The following GRIK5 variants were observed in gnomAD, a reference collection of about 807,000 sequenced individuals.
GRIK5 encodes the protein glutamate receptor ionotropic, kainate 5.
GRIK5 carries 43 observed loss-of-function variants against 97.4 expected under a neutral mutation model. The observed-to-expected ratio is 0.44, with a 90% confidence interval of 0.35 to 0.57. The LOEUF is 0.57. GRIK5 is among the 20% of genes least tolerant of loss of function. GRIK5 has a pLI of 0.01. For synonymous variants in GRIK5, 580 were observed against 583.5 expected, an observed-to-expected ratio of 0.99 and a Z score of 0.09; for missense variants, 1,015 against 1,382.0, an observed-to-expected ratio of 0.73 and a Z score of 4.21.
chr19:42,011,818 T>A (rs901871979), intron 15 of GRIK5, among the ~76,000 whole-genome samples: 8 of 151,520 alleles, frequency 5.3e-5, no homozygotes, highest in African/African-American at 1.5e-4. Flanking sequence ...ACAAAAAATT[T>A]AAAAAATTAG....
At chr19:42,068,977 A>T (rs1282589744) in intron 1 of GRIK5, 2 of 574,646 alleles carry the variant, frequency 3.5e-6, no homozygotes, top group Admixed American at 5.9e-5. Flanking sequence ...TGAGAGCCCA[A>T]GTAAGAGCAA....
chr19:42,018,078 C>T (rs1305888124), intron 15 of GRIK5, among the ~76,000 whole-genome samples: 1 of 149,682 alleles, frequency 6.7e-6, no homozygotes, highest in African/African-American at 2.5e-5. Flanking sequence ...CTTTGGGAGG[C>T]CAAGGCGGGT....
intron 12 of GRIK5, among the ~76,000 whole-genome samples, chr19:42,037,180 C>A (rs545006256): frequency 6.6e-6 from 1 of 152,352 alleles, no homozygotes; most frequent in East Asian, 1.9e-4. Context: ...AACTCACTGG[C>A]TGGGTGCAGT....
chr19:42,003,689 C>A lies in GRIK5; in HGVS notation c.2264-6G>T. 6.2e-7 allele frequency: 1 copy of A among 1,605,470 alleles called. No individual in the cohort carries two copies. Among genetic ancestry groups the A allele is most frequent in the Non-Finnish European group, 8.5e-7 (1 of 1,175,702 alleles). The stretch of plus-strand genomic sequence containing the variant: ...CTCATCCCGGAACGGGGAGCCTGGG[C>A]AGGCACACGAGGGGCTGGACCAGCC... On this transcript the variant is annotated splice_polypyrimidine_tract_variant and splice_region_variant and intron_variant, in intron 17 of 19. Transcript: ENST00000593562. The surrounding 1 kb of genome is among the most constrained non-coding windows in gnomAD (Gnocchi z 4.2).
chr19:42,001,716 G>T (rs2075425152), intron 19 of GRIK5: 1 of 195,022 alleles, frequency 5.1e-6, no homozygotes. Context: ...ACCCATGGCA[G>T]CCAGAAACAT....
intron 19 of GRIK5, among the ~76,000 whole-genome samples, chr19:42,000,048 G>A (rs530185504): frequency 3.3e-4 from 51 of 152,368 alleles, no homozygotes; most frequent in African/African-American, 1.2e-3. Context: ...GGCACTGCAA[G>A]CAGGTCAGCA....
rs377004720 is a variant in GRIK5, at chr19:42,002,189, G to T, written c.2514+1143C>A. 1.5e-5 allele frequency: 11 copies of T among 717,506 alleles called. No individual in the cohort carries two copies. In the African/African-American group the frequency reaches 1.9e-4, roughly 13 times the overall value. 44.4% of individuals were successfully genotyped at this position (717,506 alleles called of 1,614,324 possible). On this transcript the variant is annotated intron_variant, in intron 19 of 19. Coordinates refer to ENST00000593562, the MANE Select transcript of GRIK5 (RefSeq NM_002088.5). The surrounding 1 kb of genome is among the most constrained non-coding windows in gnomAD (Gnocchi z 5.2). ...GGACCGATGCCAGACTGGAGTGGGG[G>T]GCAAGAGGAAATGGGAGGAAAGAAG...
rs927409685 is a variant in GRIK5, at chr19:42,069,830, G to C, written c.-640C>G. Among the ~76,000 whole-genome samples the C allele has an allele frequency of 6.6e-6, 1 of 152,102 alleles. No individual in the cohort carries two copies. The highest frequency in any genetic ancestry group is 6.5e-5 in the Admixed American group (1 of 15,290). Reference sequence around the variant, plus strand: ...GAGTCCTCAAGCCCTCAGCCCCCACGGGAAAAGCATGCTGGGGGCGGGGAG... The same window carrying C: ...GAGTCCTCAAGCCCTCAGCCCCCACCGGAAAAGCATGCTGGGGGCGGGGAG... On this transcript the variant is annotated 5_prime_UTR_variant, in exon 1 of 20. Transcript: ENST00000593562.
chr19:42,025,280 A>G (rs553191260), intron 12 of GRIK5, among the ~76,000 whole-genome samples: 28 of 152,290 alleles, frequency 1.8e-4, no homozygotes, highest in South Asian at 1.0e-3. Context: ...CGCATGAGGA[A>G]ACTGAGGCAC....
chr19:42,023,637 G>A (rs1360556491), intron 12 of GRIK5, among the ~76,000 whole-genome samples: 1 of 152,096 alleles, frequency 6.6e-6, no homozygotes, highest in African/African-American at 2.4e-5. Context: ...TCCCACACTG[G>A]CCTTCTCCTC....
At chr19:42,010,066 C>CAA (rs60561027) in intron 15 of GRIK5, among the ~76,000 whole-genome samples, 2 of 104,102 alleles carry the variant, frequency 1.9e-5, no homozygotes, top group Admixed American at 9.5e-5. Flanking sequence ...AACTCCATCT[C>CAA]AAAAAAAAAA....
Position 42,062,465 on chromosome 19 carries a change from CA to C in GRIK5, c.508+22del, listed in dbSNP as rs764974546. The C allele has an allele frequency of 4.3e-6, 7 of 1,612,946 alleles. No homozygotes were observed. In the African/African-American group the frequency reaches 9.3e-5, roughly 22 times the overall value. ...AAGGGGTGTCTGGGGGAACAGAAAA[CA>C]AAACATTCAGTTCTCCCTCACACTC... On this transcript the variant is annotated intron_variant, in intron 5 of 19. Coordinates refer to ENST00000593562, the MANE Select transcript of GRIK5 (RefSeq NM_002088.5). The surrounding 1 kb of genome is among the most constrained non-coding windows in gnomAD (Gnocchi z 5.3).
At position 42,002,242 on chromosome 19, in the gene GRIK5, A is replaced by C. The variant is rs1483772344; in HGVS notation, c.2514+1090T>G. On this transcript the variant is annotated intron_variant, in intron 19 of 19. Transcript: ENST00000593562. The surrounding 1 kb of genome is among the most constrained non-coding windows in gnomAD (Gnocchi z 5.2). ...ACTGGAAGCATCAGGGAGACCCCCC[A>C]CTGCTGCCAAGGCTGTAAAGAGAAG... The C allele has an allele frequency of 2.8e-6, 2 of 717,570 alleles. No homozygotes were observed. Among genetic ancestry groups the C allele is most frequent in the Admixed American group, 4.0e-5 (2 of 50,000 alleles). 44.5% of individuals were successfully genotyped at this position (717,570 alleles called of 1,614,324 possible).
At chr19:42,036,669 T>C (rs553754095) in intron 12 of GRIK5, among the ~76,000 whole-genome samples, 3 of 152,320 alleles carry the variant, frequency 2.0e-5, no homozygotes, top group African/African-American at 7.2e-5. Flanking sequence ...GTGTGCGTCT[T>C]CTATCAGATG....
chr19:42,053,579 G>A, intron 11 of GRIK5, 23 bp downstream of exon 11: 1 of 1,400,714 alleles, frequency 7.1e-7, no homozygotes, highest in East Asian at 2.3e-5. Flanking sequence ...GCCACTCCCA[G>A]GCCCCCATCT....
At chr19:42,045,741 C>A (rs548996323) in intron 11 of GRIK5, among the ~76,000 whole-genome samples, 44 of 152,210 alleles carry the variant, frequency 2.9e-4, no homozygotes, top group African/African-American at 9.9e-4. Flanking sequence ...ATAGCGGCAG[C>A]AGCCAGCATT....
intron 1 of GRIK5, chr19:42,068,742 G>C (rs1444124115): frequency 2.0e-6 from 1 of 506,704 alleles, no homozygotes; most frequent in South Asian, 2.8e-5. Context: ...TAACAGCAAA[G>C]AGAGAAGTTG....
At chr19:42,020,355 A>G (rs2075682078) in intron 15 of GRIK5, among the ~76,000 whole-genome samples, 2 of 152,184 alleles carry the variant, frequency 1.3e-5, no homozygotes, top group Admixed American at 1.3e-4. Context: ...TTATCTGTTT[A>G]CTTGTTTATT....
chr19:42,001,225 T>C (rs949981497), intron 19 of GRIK5, among the ~76,000 whole-genome samples: 1 of 152,144 alleles, frequency 6.6e-6, no homozygotes, highest in African/African-American at 2.4e-5. Flanking sequence ...AGAATAAAAA[T>C]CATTTTTCTT....
Sources: gnomAD v4.1 joint callset for allele counts (sites outside exome capture counted in the v4.1 genomes callset) on GRCh38, gnomAD v4.1.1 for gene constraint, Gnocchi (gnomAD v3.1) non-coding constraint, MANE v1.5 for transcripts, NCBI Gene and HGNC (gene_info 2026-07-23, HGNC 2026-07-21) for gene names.